The following SRFBP1 variants were observed in gnomAD, a reference collection of about 807,000 sequenced individuals.
The protein encoded by SRFBP1 is serum response factor binding protein 1, also known as serum response factor-binding protein 1.
SRFBP1 carries 47 observed loss-of-function variants against 45.5 expected under a neutral mutation model. The ratio of observed to expected loss-of-function variants is 1.03; its 90% CI spans 0.82 to 1.32. The LOEUF (loss-of-function observed/expected upper bound fraction) is 1.32, where lower values mean the gene tolerates loss of function less well. Ranked by LOEUF, SRFBP1 falls within the 40% of genes most tolerant of loss-of-function variation. SRFBP1 has a pLI of 0.00. For missense variants in SRFBP1, 621 were observed against 484.6 expected (o/e 1.28, Z -2.64); for synonymous variants, 203 against 166.3 (o/e 1.22, Z -1.70).
chr5:122,018,595 A>G (rs1024131623), intron 4 of SRFBP1, among the ~76,000 whole-genome samples: 1 of 152,212 alleles, frequency 6.6e-6, no homozygotes, highest in African/African-American at 2.4e-5. Context: ...ATGTCAGGTT[A>G]GGTGGTTTGA....
intron 7 of SRFBP1, among the ~76,000 whole-genome samples, chr5:122,024,164 A>G (rs1336921354): frequency 6.6e-6 from 1 of 152,200 alleles, no homozygotes; most frequent in Non-Finnish European, 1.5e-5. Context: ...ACAGCCAGTA[A>G]TACGCTGATC....
intron 4 of SRFBP1, among the ~76,000 whole-genome samples, chr5:122,004,673 T>A (rs1192413940): frequency 6.6e-6 from 1 of 152,188 alleles, no homozygotes; most frequent in Non-Finnish European, 1.5e-5. Context: ...TCTGCTCTAA[T>A]CTTTATTTTC....
In SRFBP1 at chr5:121,984,635, C is replaced by A. The variant is rs578019958; in HGVS notation, c.198+9248C>A. ...AAATAACATATACAACATCAACATT[C>A]CTAGCCATAGTACACTTTAATTTTT... On this transcript the variant is annotated intron_variant, in intron 3 of 7. Transcript: ENST00000339397. Among the ~76,000 whole-genome samples the A allele has an allele frequency of 9.9e-5, 15 of 151,828 alleles. No individual in the cohort carries two copies. The South Asian group carries it at 2.9e-3, about 29-fold the overall frequency.
intron 2 of SRFBP1, among the ~76,000 whole-genome samples, chr5:122,040,867 G>A (rs752990177): frequency 6.6e-6 from 1 of 152,134 alleles, no homozygotes; most frequent in Non-Finnish European, 1.5e-5. Context: ...TTGTTAGAGA[G>A]AACTTCTCTG....
intron 2 of SRFBP1, among the ~76,000 whole-genome samples, chr5:122,068,511 C>G (rs1228394521): frequency 6.6e-6 from 1 of 152,072 alleles, no homozygotes; most frequent in Non-Finnish European, 1.5e-5. Flanking sequence ...CTCTCACTTC[C>G]CCTACTCAAA....
intron 1 of SRFBP1, among the ~76,000 whole-genome samples, chr5:121,973,619 G>A (rs1208547762): frequency 6.8e-6 from 1 of 147,174 alleles, no homozygotes; most frequent in Non-Finnish European, 1.5e-5. Flanking sequence ...TGTGTGTGGG[G>A]GGGGGGCATG....
Position 122,027,351 on chromosome 5 carries a change from A to G in SRFBP1, c.*225A>G, listed in dbSNP as rs1753504556. The stretch of plus-strand genomic sequence containing the variant: ...CTTTCTCACCCCAGGCTCTGCAGCT[A>G]TTACTTAAACTCGTATTTGAATAAG... On this transcript the variant is annotated 3_prime_UTR_variant, in exon 8 of 8. Coordinates refer to ENST00000339397, the MANE Select transcript of SRFBP1 (RefSeq NM_152546.3). 1 of 318,280 alleles carries G rather than the reference A, an allele frequency of 3.1e-6. No individual in the cohort carries two copies. The highest frequency in any genetic ancestry group is 5.7e-6 in the Non-Finnish European group (1 of 175,048). The allele number at this position is 318,280 out of a possible 1,614,324, so 19.7% of individuals were successfully genotyped here. A position where few individuals can be genotyped will look rare whatever the true frequency, so the allele number is the denominator to read the frequency against.
At chr5:122,077,583 G>A, downstream of SRFBP1, 2 of 1,612,730 alleles carry the variant, frequency 1.2e-6, no homozygotes, top group Non-Finnish European at 1.7e-6. This position sits in a 1 kb window ranked among gnomAD's most constrained non-coding sequence, Gnocchi z 4.9. Context: ...CCAGCTTCGC[G>A]GGCTCTAGAT....
At position 121,994,472 on chromosome 5, in the gene SRFBP1, G is replaced by A. The variant is rs549775560; in HGVS notation, c.199-127G>A. ...CTTTCAACTCTGTCATATTTTATGG[G>A]AGTTAATTCTTTTCTCAAAATTAAG... On this transcript the variant is annotated intron_variant, in intron 3 of 7. Transcript: ENST00000339397. 5.6e-5 allele frequency: 36 copies of A among 640,700 alleles called. No homozygotes were observed. In the South Asian group the frequency reaches 6.8e-4, roughly 12 times the overall value. 39.7% of individuals were successfully genotyped at this position (640,700 alleles called of 1,614,324 possible).
intron 2 of SRFBP1, among the ~76,000 whole-genome samples, chr5:122,040,008 T>C (rs1805620052): frequency 6.6e-6 from 1 of 152,182 alleles, no homozygotes; most frequent in African/African-American, 2.4e-5. Context: ...CTTTATATTT[T>C]ATTCAGATAA....
At chr5:122,042,141 T>C (rs1358199292) in intron 2 of SRFBP1, among the ~76,000 whole-genome samples, 1 of 152,236 alleles carries the variant, frequency 6.6e-6, no homozygotes, top group African/African-American at 2.4e-5. Context: ...CTATTTTTTC[T>C]GTATTAAGTT....
At chr5:121,968,378 C>T (rs902126388) in intron 1 of SRFBP1, among the ~76,000 whole-genome samples, 15 of 151,890 alleles carry the variant, frequency 9.9e-5, no homozygotes, top group Non-Finnish European at 2.1e-4. Context: ...GAGTGGTGCA[C>T]AATTTAAAAT....
At chr5:122,078,689 A>G (rs191919861), downstream of SRFBP1, among the ~76,000 whole-genome samples, 75 of 152,294 alleles carry the variant, frequency 4.9e-4, 1 homozygote, top group East Asian at 0.012. Context: ...GATTGTGACT[A>G]AAGTTTATCC....
At chr5:122,041,939 T>G (rs1036100160) in intron 2 of SRFBP1, among the ~76,000 whole-genome samples, 7 of 152,206 alleles carry the variant, frequency 4.6e-5, no homozygotes, top group Non-Finnish European at 5.9e-5. Context: ...ACTTTTAAAT[T>G]TAGACAGATA....
downstream of SRFBP1, chr5:122,077,832 C>T (rs774886810): frequency 2.7e-5 from 42 of 1,551,896 alleles, no homozygotes; most frequent in Non-Finnish European, 3.6e-5. This position sits in a 1 kb window ranked among gnomAD's most constrained non-coding sequence, Gnocchi z 4.9. Context: ...AACACCTGCC[C>T]GTTGTTCTCC....
At chr5:122,043,672 A>G (rs1753806296) in intron 2 of SRFBP1, among the ~76,000 whole-genome samples, 2 of 151,938 alleles carry the variant, frequency 1.3e-5, no homozygotes, top group Non-Finnish European at 2.9e-5. Flanking sequence ...AATTTTGTAT[A>G]CTCTACTTAA....
intron 4 of SRFBP1, among the ~76,000 whole-genome samples, chr5:122,001,586 G>T (rs1480406889): frequency 8.0e-6 from 1 of 125,114 alleles, no homozygotes; most frequent in Non-Finnish European, 1.6e-5. Flanking sequence ...ACGGAGTCTC[G>T]CTCTGTCGCC....
chr5:121,996,826 C>G (rs1403461883), intron 4 of SRFBP1, among the ~76,000 whole-genome samples: 4 of 142,102 alleles, frequency 2.8e-5, no homozygotes, highest in African/African-American at 8.4e-5. Context: ...TCTCAGGATA[C>G]AAAATCAATG....
chr5:121,964,783 G>A (rs770467586), intron 1 of SRFBP1, among the ~76,000 whole-genome samples: 3 of 152,122 alleles, frequency 2.0e-5, no homozygotes, highest in African/African-American at 4.8e-5. Flanking sequence ...CTTCCACTAT[G>A]GTTGAACTAA....
Sources: gnomAD v4.1 joint callset for allele counts (sites outside exome capture counted in the v4.1 genomes callset) on GRCh38, gnomAD v4.1.1 for gene constraint, Gnocchi (gnomAD v3.1) non-coding constraint, MANE v1.5 for transcripts, NCBI Gene and HGNC (gene_info 2026-07-23, HGNC 2026-07-21) for gene names.